Variants in CSRNP3 observed in about 807,000 individuals in gnomAD.
The protein encoded by CSRNP3 is cysteine and serine rich nuclear protein 3.
A neutral mutation model predicts 48.0 loss-of-function variants in CSRNP3; 12 were observed. That is an observed-to-expected ratio of 0.25 (90% confidence interval 0.16 to 0.41). CSRNP3 has a LOEUF of 0.41. CSRNP3 is among the 10% of genes least tolerant of loss of function. The pLI is 1.00. For missense variants in CSRNP3, 580 were observed against 724.4 expected, an observed-to-expected ratio of 0.80 and a Z score of 2.29; for synonymous variants, 263 against 269.7, an observed-to-expected ratio of 0.98 and a Z score of 0.24.
rs1431695517 is a variant in CSRNP3, at chr2:165,685,717, A to C, written c.*5964A>C. Reference sequence around the variant, plus strand: ...ATTTGATCCTTTGCATTGGCTTATAATTCAAGAAATGTCAACTTCACTGTG... The same window carrying C: ...ATTTGATCCTTTGCATTGGCTTATACTTCAAGAAATGTCAACTTCACTGTG... On this transcript the variant is annotated 3_prime_UTR_variant, in exon 7 of 7. Transcript: ENST00000651982. The C allele has an allele frequency of 2.0e-5, 3 of 152,086 alleles. No individual in the cohort carries two copies. The highest frequency in any genetic ancestry group is 4.8e-5 in the African/African-American group (2 of 41,440). 9.4% of individuals were successfully genotyped at this position (152,086 alleles called of 1,614,324 possible).
rs190401348 is a variant in CSRNP3 at position 165,614,175 on chromosome 2, C to G, written c.148+18962C>G. On this transcript the variant is annotated intron_variant, in intron 4 of 6. Coordinates refer to ENST00000651982, the MANE Select transcript of CSRNP3 (RefSeq NM_001172173.2). Reference sequence around the variant, plus strand: ...TCTTACAATGTGTTAGATTTATTCACAGGTTTTTTTTATTTGTAGCTGTTT... The same window carrying G: ...TCTTACAATGTGTTAGATTTATTCAGAGGTTTTTTTTATTTGTAGCTGTTT... 1.4e-4 allele frequency among the ~76,000 whole-genome samples: 22 copies of G among 152,118 alleles called. No homozygotes were observed. In the East Asian group the frequency reaches 3.1e-3, roughly 21 times the overall value.
chr2:165,486,247 A>C (rs973478990), intron 1 of CSRNP3, among the ~76,000 whole-genome samples: 18 of 152,182 alleles, frequency 1.2e-4, no homozygotes, highest in Non-Finnish European at 2.4e-4. Context: ...CGGCTTAAAA[A>C]ACGGTGCACC....
chr2:165,676,564 G>A lies in CSRNP3; in HGVS notation c.661G>A (p.Asp221Asn), dbSNP rs563081862. ...TGGCTGTGACTGCCGAGTGTTCTGTGATCCAGACACGTGCACCTGCAGCCT... is the reference window on the plus strand; with the variant it reads ...TGGCTGTGACTGCCGAGTGTTCTGTAATCCAGACACGTGCACCTGCAGCCT... ...DCGCDCRVFC[D>N]PDTCTCSLAG... is the part of the protein sequence containing the mutation. The change falls in exon 6 of 7, where the codon GAT (aspartate) becomes AAT (asparagine). Residue 221 changes from aspartate to asparagine, a missense_variant. By Grantham distance (23) the Asp-to-Asn change is conservative (BLOSUM62 1). Coordinates refer to ENST00000651982, the MANE Select transcript of CSRNP3 (RefSeq NM_001172173.2). The A allele has an allele frequency of 6.2e-7, 1 of 1,614,054 alleles. No homozygotes were observed. Among genetic ancestry groups the A allele is most frequent in the South Asian group, 1.1e-5 (1 of 91,084 alleles).
rs768454412 is a variant in CSRNP3, at chr2:165,679,604, G to C, written c.1609G>C (p.Gly537Arg). ...AGTGGAATTTCACTCATACTTGAAA[G>C]GCCCCTCCCAAGAAGGGTTTGTCTC... Reference protein sequence around the residue: ...PQVEFHSYLKGPSQEGFVSAL... With the variant: ...PQVEFHSYLKRPSQEGFVSAL... The change falls in exon 7 of 7, where the codon GGC (glycine) becomes CGC (arginine). Residue 537 changes from glycine to arginine, a missense_variant. By Grantham distance (125) the Gly-to-Arg change is moderately radical. Coordinates refer to ENST00000651982, the MANE Select transcript of CSRNP3 (RefSeq NM_001172173.2). 1.2e-6 allele frequency: 2 copies of C among 1,613,932 alleles called. No individual in the cohort carries two copies. Among genetic ancestry groups the C allele is most frequent in the Admixed American group, 1.7e-5 (1 of 59,982 alleles).
At chr2:165,599,654 T>C (rs1685878841) in intron 4 of CSRNP3, among the ~76,000 whole-genome samples, 2 of 152,166 alleles carry the variant, frequency 1.3e-5, no homozygotes, top group Admixed American at 6.5e-5. Flanking sequence ...TTTCTAGAAA[T>C]GTATTTCAGA....
At chr2:165,482,352 C>T (rs1461769538) in intron 1 of CSRNP3, among the ~76,000 whole-genome samples, 1 of 151,920 alleles carries the variant, frequency 6.6e-6, no homozygotes, top group Non-Finnish European at 1.5e-5. Flanking sequence ...CAACCTCCAC[C>T]TCCTGAGTCC....
intron 4 of CSRNP3, among the ~76,000 whole-genome samples, chr2:165,622,490 A>G (rs1299330341): frequency 3.3e-5 from 5 of 152,164 alleles, no homozygotes; most frequent in African/African-American, 1.2e-4. Context: ...ACAAAATAGA[A>G]GTTTGTTTCT....
chr2:165,532,422 T>C (rs1399883760), intron 3 of CSRNP3, among the ~76,000 whole-genome samples: 1 of 150,670 alleles, frequency 6.6e-6, no homozygotes, highest in Non-Finnish European at 1.5e-5. Context: ...AATCAATAAA[T>C]GTAATCCAGC....
intron 4 of CSRNP3, among the ~76,000 whole-genome samples, chr2:165,621,016 G>T (rs1686329624): frequency 6.6e-6 from 1 of 151,930 alleles, no homozygotes. Context: ...CTTTAGGAGA[G>T]AAATGACCAT....
At chr2:165,479,112 C>A (rs143035116) in intron 1 of CSRNP3, among the ~76,000 whole-genome samples, 2 of 152,096 alleles carry the variant, frequency 1.3e-5, no homozygotes, top group Middle Eastern at 3.4e-3. Context: ...TTGAAACATA[C>A]CAAAAATCAC....
rs1684350412 is a variant in CSRNP3 at position 165,500,899 on chromosome 2, T to C, written c.-113+5971T>C. ...TTGGTTTGGAATAAATCATGGAAAGTAATATTATATATAATTTTTCCAACA... is the reference window on the plus strand; with the variant it reads ...TTGGTTTGGAATAAATCATGGAAAGCAATATTATATATAATTTTTCCAACA... On this transcript the variant is annotated intron_variant, in intron 2 of 6. Transcript: ENST00000651982. Among the ~76,000 whole-genome samples, 3 of 152,132 alleles carry C rather than the reference T, an allele frequency of 2.0e-5. 1 individual carries two copies. The South Asian group carries it at 6.2e-4, about 32-fold the overall frequency.
chr2:165,670,535 C>T (rs1358050545), intron 5 of CSRNP3, among the ~76,000 whole-genome samples: 2 of 152,190 alleles, frequency 1.3e-5, no homozygotes, highest in Non-Finnish European at 1.5e-5. Flanking sequence ...TAACTTGATG[C>T]ACATCCTCAT....
At chr2:165,522,835 A>T (rs529800058) in intron 3 of CSRNP3, among the ~76,000 whole-genome samples, 1 of 152,200 alleles carries the variant, frequency 6.6e-6, no homozygotes, top group Admixed American at 6.5e-5. Context: ...TGCAGCCATG[A>T]ACCCGAGCTA....
Position 165,687,985 on chromosome 2 carries a change from C to T in CSRNP3, c.*8232C>T, listed in dbSNP as rs780100057. 8 of 151,056 alleles carry T rather than the reference C, an allele frequency of 5.3e-5. No homozygotes were observed. The highest frequency in any genetic ancestry group is 8.8e-5 in the Non-Finnish European group (6 of 67,870). 9.4% of individuals were successfully genotyped at this position (151,056 alleles called of 1,614,324 possible). On this transcript the variant is annotated 3_prime_UTR_variant, in exon 7 of 7. Coordinates refer to ENST00000651982, the MANE Select transcript of CSRNP3 (RefSeq NM_001172173.2). Reference sequence around the variant, plus strand: ...CTCGGATGCTCTTGTGAAATGACAGCCACATCAGTGTGGTTACTCCCCACA... The same window carrying T: ...CTCGGATGCTCTTGTGAAATGACAGTCACATCAGTGTGGTTACTCCCCACA...
chr2:165,562,095 G>A lies in CSRNP3; in HGVS notation c.-23-32948G>A, dbSNP rs1685242210. ...ATGTGTTGATCCAAAATGTAAAAAT[G>A]TTTACAAAGGGCCATTAGAAAAGCC... On this transcript the variant is annotated intron_variant, in intron 3 of 6. Transcript: ENST00000651982. 2.6e-5 allele frequency among the ~76,000 whole-genome samples: 4 copies of A among 152,090 alleles called. No homozygotes were observed. In the South Asian group the frequency reaches 8.3e-4, roughly 32 times the overall value.
intron 3 of CSRNP3, among the ~76,000 whole-genome samples, chr2:165,583,958 A>G (rs1685587472): frequency 6.6e-6 from 1 of 152,168 alleles, no homozygotes; most frequent in Admixed American, 6.5e-5. Flanking sequence ...ATAGCTACTC[A>G]TAGACAGGGT....
chr2:165,615,686 CT>C (rs1686227929), intron 4 of CSRNP3, among the ~76,000 whole-genome samples: 1 of 151,662 alleles, frequency 6.6e-6, no homozygotes, highest in East Asian at 1.9e-4. Context: ...TTTCTGCATG[CT>C]TTTGTATTCT....
chr2:165,607,997 GTTAT>G (rs1686059907), intron 4 of CSRNP3, among the ~76,000 whole-genome samples: 1 of 150,544 alleles, frequency 6.6e-6, no homozygotes, highest in Non-Finnish European at 1.5e-5. Context: ...TTCTGCTTGA[GTTAT>G]TTATAGTGTT....
At chr2:165,617,567 G>A (rs1286941080) in intron 4 of CSRNP3, among the ~76,000 whole-genome samples, 2 of 152,230 alleles carry the variant, frequency 1.3e-5, no homozygotes, top group African/African-American at 4.8e-5. Flanking sequence ...ACTGGCTGTG[G>A]TGATGATGGG....
Sources: gnomAD v4.1 joint callset for allele counts (sites outside exome capture counted in the v4.1 genomes callset) on GRCh38, gnomAD v4.1.1 for gene constraint, MANE v1.5 for transcripts, NCBI Gene and HGNC (gene_info 2026-07-23, HGNC 2026-07-21) for gene names.